Variants in TDRD7 observed in about 807,000 individuals in gnomAD.
TDRD7 encodes the protein tudor domain-containing protein 7.
Under a neutral mutation model 109.8 loss-of-function variants are expected in TDRD7, and 47 were observed. The observed-to-expected ratio is 0.43, with a 90% confidence interval of 0.34 to 0.55. TDRD7 has a LOEUF of 0.55. Ranked by LOEUF, TDRD7 falls within the 20% of genes least tolerant of loss-of-function variation. TDRD7 has a pLI of 0.03. For synonymous variants in TDRD7, 424 were observed against 457.3 expected (o/e 0.93, Z 0.93); for missense variants, 1,164 against 1,319.2 (o/e 0.88, Z 1.82).
At chr9:97,435,225 A>G (rs769643224) in intron 4 of TDRD7, among the ~76,000 whole-genome samples, 21 of 112,812 alleles carry the variant, frequency 1.9e-4, no homozygotes, top group Non-Finnish European at 3.0e-4. Context: ...TTTGATATGT[A>G]CTATGCAAGA....
At chr9:97,479,825 T>C (rs1829084481) in intron 13 of TDRD7, among the ~76,000 whole-genome samples, 1 of 152,224 alleles carries the variant, frequency 6.6e-6, no homozygotes, top group Non-Finnish European at 1.5e-5. Flanking sequence ...TACTTCTAGC[T>C]TCTCTCTTGA....
chr9:97,451,871 G>A (rs2118432974), intron 6 of TDRD7, among the ~76,000 whole-genome samples: 1 of 152,298 alleles, frequency 6.6e-6, no homozygotes, highest in East Asian at 1.9e-4. Context: ...TGACTGAAGT[G>A]GGGAGACCCC....
chr9:97,477,309 A>G (rs1031297854), intron 12 of TDRD7, among the ~76,000 whole-genome samples: 3 of 152,182 alleles, frequency 2.0e-5, no homozygotes, highest in African/African-American at 7.2e-5. Flanking sequence ...TTGTCCCACA[A>G]AGTACTTTTT....
At chr9:97,473,085 G>T (rs1199323517) in intron 10 of TDRD7, among the ~76,000 whole-genome samples, 1 of 152,158 alleles carries the variant, frequency 6.6e-6, no homozygotes, top group Non-Finnish European at 1.5e-5. Flanking sequence ...CTGGACACAG[G>T]TTAGAAAGTA....
In TDRD7 at chr9:97,460,763, A is replaced by C; in HGVS notation, c.1441A>C (p.Arg481=). ...GAGCAACACAAATGAAGTGGTTATC[A>C]GGCAAGTTTCATTTTCTAATTCTTT... The part of the protein sequence containing the change: ...ELSNTNEVVI[R]YVGKDYSAAQ... Residue 481 remains arginine, a splice_region_variant and synonymous_variant, in exon 7 of 17, where the codon AGG becomes CGG. Coordinates refer to ENST00000355295, the MANE Select transcript of TDRD7 (RefSeq NM_014290.3). 1.2e-6 allele frequency: 2 copies of C among 1,613,522 alleles called. No individual in the cohort carries two copies. The highest frequency in any genetic ancestry group is 1.1e-5 in the South Asian group (1 of 91,064).
chr9:97,454,942 T>C (rs1564204086), intron 6 of TDRD7, among the ~76,000 whole-genome samples: 1 of 151,522 alleles, frequency 6.6e-6, no homozygotes, highest in African/African-American at 2.4e-5. Context: ...GCTAGACTAA[T>C]AAGAAGAGAG....
At chr9:97,432,316 G>GTGTTTCTTTCTT in intron 4 of TDRD7, 78 bp downstream of exon 4, 3 of 1,293,982 alleles carry the variant, frequency 2.3e-6, no homozygotes, top group Non-Finnish European at 3.4e-6. Flanking sequence ...GGTTAAGAAA[G>GTGTTTCTTTCTT]AAACACTTTC....
At chr9:97,477,660 A>G (rs999728797) in intron 12 of TDRD7, among the ~76,000 whole-genome samples, 2 of 152,152 alleles carry the variant, frequency 1.3e-5, no homozygotes, top group African/African-American at 4.8e-5. Context: ...AGAAGGAAAA[A>G]TAATTAGTGA....
chr9:97,439,567 G>A (rs1169826271), intron 5 of TDRD7, among the ~76,000 whole-genome samples: 1 of 152,190 alleles, frequency 6.6e-6, no homozygotes, highest in East Asian at 1.9e-4. Flanking sequence ...TCACCTCTAT[G>A]TGTGGCCTGC....
chr9:97,480,560 G>T, intron 13 of TDRD7: 1 of 436,884 alleles, frequency 2.3e-6, no homozygotes, highest in South Asian at 2.1e-5. Flanking sequence ...TGCAACACCT[G>T]TCATGCAGAA....
chr9:97,451,567 T>C (rs1323514497), intron 6 of TDRD7, among the ~76,000 whole-genome samples: 2 of 152,224 alleles, frequency 1.3e-5, no homozygotes, highest in African/African-American at 4.8e-5. Flanking sequence ...GCTGGGATTA[T>C]AGGCGTGCGC....
chr9:97,476,312 A>G (rs1228162527), intron 12 of TDRD7, among the ~76,000 whole-genome samples: 2 of 152,078 alleles, frequency 1.3e-5, no homozygotes, highest in Non-Finnish European at 2.9e-5. Context: ...CAATTGTCTT[A>G]TTTTCTTGCA....
At chr9:97,436,646 A>G (rs1828205217) in intron 4 of TDRD7, among the ~76,000 whole-genome samples, 1 of 152,126 alleles carries the variant, frequency 6.6e-6, no homozygotes, top group African/African-American at 2.4e-5. Flanking sequence ...TTTCCACTCA[A>G]TATTATGTAA....
chr9:97,484,634 G>T (rs140652551), intron 15 of TDRD7, among the ~76,000 whole-genome samples: 1 of 152,152 alleles, frequency 6.6e-6, no homozygotes, highest in Non-Finnish European at 1.5e-5. Flanking sequence ...TCAGTGAAGC[G>T]TATAAAAGCT....
rs540365668 is a variant in TDRD7 at position 97,461,800 on chromosome 9, T to C, written c.1442+1036T>C. Among the ~76,000 whole-genome samples the C allele has an allele frequency of 2.6e-5, 4 of 152,322 alleles. No homozygotes were observed. The South Asian group carries it at 6.2e-4, about 24-fold the overall frequency. On this transcript the variant is annotated intron_variant, in intron 7 of 16. Transcript: ENST00000355295. ...CAGAATCTGGGCTCCTTCAACCAAA[T>C]GGTCCTTTGGTTTGGGCTGTCCCTC...
chr9:97,482,817 A>G, intron 14 of TDRD7, 32 bp from the exon 15 acceptor site: 1 of 1,610,806 alleles, frequency 6.2e-7, no homozygotes, highest in Non-Finnish European at 8.5e-7. Flanking sequence ...GTGAACTTGT[A>G]TTTCTTATAT....
intron 16 of TDRD7, among the ~76,000 whole-genome samples, chr9:97,488,930 C>A (rs1340474343): frequency 3.9e-5 from 6 of 152,174 alleles, no homozygotes; most frequent in African/African-American, 4.8e-5. Flanking sequence ...TAGAACTGTG[C>A]TTAATCTCTT....
intron 4 of TDRD7, among the ~76,000 whole-genome samples, chr9:97,433,218 AT>A (rs1448040649): frequency 6.6e-6 from 1 of 152,060 alleles, no homozygotes; most frequent in Non-Finnish European, 1.5e-5. Context: ...TGAAGAATTA[AT>A]TTTTTAAAAA....
intron 1 of TDRD7, among the ~76,000 whole-genome samples, chr9:97,416,893 C>CA (rs1827820988): frequency 6.6e-6 from 1 of 151,844 alleles, no homozygotes; most frequent in Admixed American, 6.6e-5. Context: ...CAAATCCTTG[C>CA]TTTCATGGAG....
Sources: allele counts gnomAD v4.1 joint callset (sites outside exome capture counted in the v4.1 genomes callset), GRCh38; gene constraint gnomAD v4.1.1; transcripts MANE v1.5; gene names NCBI Gene and HGNC (gene_info 2026-07-23, HGNC 2026-07-21).